The following CSMD1 variants were observed in gnomAD, a reference collection of about 807,000 sequenced individuals.
CSMD1 encodes the protein CUB and Sushi multiple domains 1, also known as CUB and sushi domain-containing protein 1.
CSMD1 carries 213 observed loss-of-function variants against 417.5 expected under a neutral mutation model. The observed-to-expected ratio is 0.51, with a 90% CI of 0.46 to 0.57. The LOEUF (loss-of-function observed/expected upper bound fraction) is 0.57. Among genes scored for constraint, CSMD1 ranks in the 20% least tolerant of loss-of-function variants. The pLI is 0.00. For synonymous variants in CSMD1, 2,862 were observed against 1,736.8 expected (o/e 1.65, Z -16.11); for missense variants, 6,923 against 4,529.7 (o/e 1.53, Z -15.17).
At chr8:3,289,288 C>A (rs945920369) in intron 25 of CSMD1, among the ~76,000 whole-genome samples, 1 of 147,104 alleles carries the variant, frequency 6.8e-6, no homozygotes, top group South Asian at 2.1e-4. Context: ...TATAAACATA[C>A]GTGTGCATGT....
intron 5 of CSMD1, among the ~76,000 whole-genome samples, chr8:3,863,329 G>A (rs971844466): frequency 1.1e-4 from 17 of 151,468 alleles, no homozygotes; most frequent in Admixed American, 8.6e-4. Flanking sequence ...CCCAGGAGAT[G>A]GTGGTTGCAG....
intron 5 of CSMD1, among the ~76,000 whole-genome samples, chr8:3,766,582 T>C (rs1798282537): frequency 6.6e-6 from 1 of 151,698 alleles, no homozygotes; most frequent in African/African-American, 2.4e-5. Flanking sequence ...ATTTTGACTA[T>C]CAAAAAAGGC....
intron 1 of CSMD1, among the ~76,000 whole-genome samples, chr8:4,772,832 A>T (rs570990438): frequency 6.6e-6 from 1 of 152,154 alleles, no homozygotes; most frequent in Non-Finnish European, 1.5e-5. Context: ...CCTAAGTTTG[A>T]TATGTATGTC....
chr8:4,381,604 C>T (rs756688764), intron 3 of CSMD1, among the ~76,000 whole-genome samples: 17 of 152,084 alleles, frequency 1.1e-4, no homozygotes, highest in African/African-American at 3.4e-4. Context: ...CCTTGGTTCC[C>T]GCCCTGAACA....
chr8:3,875,258 A>T (rs912066276), intron 5 of CSMD1, among the ~76,000 whole-genome samples: 4 of 152,164 alleles, frequency 2.6e-5, no homozygotes, highest in African/African-American at 9.7e-5. Flanking sequence ...ACCATAGCTG[A>T]GAAGAAGGAT....
intron 23 of CSMD1, among the ~76,000 whole-genome samples, chr8:3,309,085 C>T (rs1805119981): frequency 6.6e-6 from 1 of 152,090 alleles, no homozygotes; most frequent in South Asian, 2.1e-4. Context: ...CTCCAGTCTG[C>T]ACCCTGGATT....
intron 1 of CSMD1, among the ~76,000 whole-genome samples, chr8:4,803,401 T>C (rs941020541): frequency 2.0e-5 from 3 of 152,194 alleles, no homozygotes; most frequent in Non-Finnish European, 4.4e-5. Flanking sequence ...AGTTATTAGA[T>C]ACCCAGTCTA....
intron 3 of CSMD1, among the ~76,000 whole-genome samples, chr8:4,402,323 T>C (rs1181823919): frequency 6.6e-6 from 1 of 151,976 alleles, no homozygotes; most frequent in Non-Finnish European, 1.5e-5. Context: ...CCTTCAAATC[T>C]ATACTTCATC....
chr8:3,475,483 G>A (rs1015531922), intron 11 of CSMD1, among the ~76,000 whole-genome samples: 4 of 152,168 alleles, frequency 2.6e-5, no homozygotes, highest in African/African-American at 7.2e-5. Flanking sequence ...AGCATACCAA[G>A]GGCTTAACAT....
At chr8:4,763,975 C>T (rs144508697) in intron 1 of CSMD1, among the ~76,000 whole-genome samples, 2 of 152,194 alleles carry the variant, frequency 1.3e-5, no homozygotes, top group African/African-American at 2.4e-5. Flanking sequence ...AAATATCAGA[C>T]CCTGATAGAA....
Position 3,623,590 on chromosome 8 carries a change from T to G in CSMD1, c.1010-6793A>C, listed in dbSNP as rs7002505. 4.1e-3 allele frequency among the ~76,000 whole-genome samples: 618 copies of G among 152,346 alleles called. 1 individual carries two copies. Among genetic ancestry groups the G allele is most frequent in the African/African-American group, 0.014 (587 of 41,580 alleles). ...AGAAACTCTTAGTATCATTTACATA[T>G]GTTTTTAAATGTAATCCTTATAATC... On this transcript the variant is annotated intron_variant, in intron 7 of 69. Coordinates refer to ENST00000635120, the MANE Select transcript of CSMD1 (RefSeq NM_033225.6).
chr8:4,542,644 G>A (rs1310180045), intron 2 of CSMD1, among the ~76,000 whole-genome samples: 1 of 152,120 alleles, frequency 6.6e-6, no homozygotes, highest in Non-Finnish European at 1.5e-5. Context: ...AGAGAATGGA[G>A]ATTAACAGAC....
chr8:4,012,287 T>C (rs1477834211), intron 4 of CSMD1, among the ~76,000 whole-genome samples: 2 of 152,298 alleles, frequency 1.3e-5, no homozygotes, highest in East Asian at 1.9e-4. Context: ...TGAGTCATCA[T>C]GCCAGTTTCA....
intron 5 of CSMD1, among the ~76,000 whole-genome samples, chr8:3,965,122 T>G (rs1280142362): frequency 6.6e-6 from 1 of 152,150 alleles, no homozygotes; most frequent in Non-Finnish European, 1.5e-5. Context: ...CTATTATTAT[T>G]GTAATTGTGT....
At chr8:4,305,421 G>A (rs1172828451) in intron 3 of CSMD1, among the ~76,000 whole-genome samples, 2 of 152,066 alleles carry the variant, frequency 1.3e-5, no homozygotes, top group Non-Finnish European at 2.9e-5. Flanking sequence ...TAAGTGAAAG[G>A]GATAATCGAC....
chr8:4,216,755 A>C (rs1450120060), intron 3 of CSMD1, among the ~76,000 whole-genome samples: 1 of 152,230 alleles, frequency 6.6e-6, no homozygotes, highest in Non-Finnish European at 1.5e-5. Flanking sequence ...CTTTAAAATT[A>C]CCATTCTCTT....
intron 5 of CSMD1, among the ~76,000 whole-genome samples, chr8:3,975,427 C>A (rs1813365604): frequency 6.6e-6 from 1 of 152,078 alleles, no homozygotes; most frequent in South Asian, 2.1e-4. Context: ...TAACCATTTA[C>A]AACCCTTAGA....
chr8:4,288,331 C>G (rs1437127141), intron 3 of CSMD1, among the ~76,000 whole-genome samples: 2 of 152,162 alleles, frequency 1.3e-5, no homozygotes, highest in African/African-American at 4.8e-5. Flanking sequence ...GGGCTCCCTT[C>G]ACCCTTCAAT....
At chr8:3,432,592 C>G (rs571643945) in intron 12 of CSMD1, among the ~76,000 whole-genome samples, 16 of 149,474 alleles carry the variant, frequency 1.1e-4, no homozygotes, top group African/African-American at 3.9e-4. Context: ...TCACTGCAAC[C>G]TCAACTTCTG....
Sources: gnomAD v4.1 joint callset for allele counts (sites outside exome capture counted in the v4.1 genomes callset) on GRCh38, gnomAD v4.1.1 for gene constraint, MANE v1.5 for transcripts, NCBI Gene and HGNC (gene_info 2026-07-23, HGNC 2026-07-21) for gene names.